The following ARHGEF38 variants were observed in gnomAD, a reference collection of about 807,000 sequenced individuals.
ARHGEF38 encodes the protein Rho guanine nucleotide exchange factor 38.
In ARHGEF38, 79 loss-of-function variants were observed where a neutral mutation model predicts 79.9. That is an observed-to-expected ratio of 0.99 (90% CI 0.82 to 1.19). ARHGEF38 has a LOEUF of 1.19. Ranked by LOEUF, ARHGEF38 falls within the 50% of genes most tolerant of loss-of-function variation. The pLI is 0.00. For synonymous variants in ARHGEF38, 366 were observed against 328.3 expected, an observed-to-expected ratio of 1.11 and a Z score of -1.24; for missense variants, 962 against 907.2, an observed-to-expected ratio of 1.06 and a Z score of -0.78.
intron 3 of ARHGEF38, among the ~76,000 whole-genome samples, chr4:105,618,606 G>C (rs756340709): frequency 6.6e-5 from 10 of 152,160 alleles, no homozygotes; most frequent in Non-Finnish European, 8.8e-5. Flanking sequence ...GGGTGACAGA[G>C]CGAGACTCCA....
At chr4:105,669,641 A>C (rs1372922259) in intron 13 of ARHGEF38, among the ~76,000 whole-genome samples, 1 of 151,740 alleles carries the variant, frequency 6.6e-6, no homozygotes, top group Non-Finnish European at 1.5e-5. Context: ...TCATATAATT[A>C]ATCCATTTTT....
chr4:105,576,442 A>T (rs1399188570), intron 1 of ARHGEF38, among the ~76,000 whole-genome samples: 2 of 132,036 alleles, frequency 1.5e-5, no homozygotes, highest in Non-Finnish European at 3.2e-5. Flanking sequence ...TGTAAAAGGG[A>T]TTGAGTTCTT....
intron 5 of ARHGEF38, among the ~76,000 whole-genome samples, chr4:105,644,912 C>T (rs945740297): frequency 6.6e-6 from 1 of 152,022 alleles, no homozygotes; most frequent in African/African-American, 2.4e-5. Context: ...TTATAAAAAA[C>T]CTTGTAAACT....
At chr4:105,585,878 T>C (rs978334971) in intron 1 of ARHGEF38, among the ~76,000 whole-genome samples, 1 of 151,886 alleles carries the variant, frequency 6.6e-6, no homozygotes. Context: ...ATTACAGGCA[T>C]GTGCCACCAC....
intron 9 of ARHGEF38, among the ~76,000 whole-genome samples, chr4:105,656,007 A>G (rs1026481565): frequency 6.6e-6 from 1 of 152,200 alleles, no homozygotes; most frequent in Non-Finnish European, 1.5e-5. Context: ...TTAAGTCTGC[A>G]TGTGAAATAT....
chr4:105,653,436 C>A (rs745488793), intron 7 of ARHGEF38, among the ~76,000 whole-genome samples: 3 of 151,812 alleles, frequency 2.0e-5, no homozygotes, highest in Non-Finnish European at 2.9e-5. Flanking sequence ...GACTCTCCTG[C>A]CTCAGCCTCC....
At position 105,555,771 on chromosome 4, in the gene ARHGEF38, G is replaced by A. The variant is rs1329227691; in HGVS notation, c.196+2810G>A. 2.0e-5 allele frequency among the ~76,000 whole-genome samples: 3 copies of A among 152,022 alleles called. No homozygotes were observed. In the East Asian group the frequency reaches 5.8e-4, roughly 29 times the overall value. On this transcript the variant is annotated intron_variant, in intron 1 of 13. Transcript: ENST00000420470. ...TAAAATTCACTGCTCTAACTCTCTG[G>A]GGAAGCAAGTTCTCTGGGTTCCGTA...
Position 105,680,421 on chromosome 4 carries a change from A to G in ARHGEF38, c.*2484A>G, listed in dbSNP as rs1731269584. 5.7e-6 allele frequency: 1 copy of G among 176,112 alleles called. No homozygotes were observed. The highest frequency in any genetic ancestry group is 5.8e-5 in the Admixed American group (1 of 17,338). 10.9% of individuals were successfully genotyped at this position (176,112 alleles called of 1,614,324 possible). A position where few individuals can be genotyped will look rare whatever the true frequency, so the allele number is the denominator to read the frequency against. On this transcript the variant is annotated 3_prime_UTR_variant, in exon 14 of 14. Coordinates refer to ENST00000420470, the MANE Select transcript of ARHGEF38 (RefSeq NM_001242729.2). ...TGGGAATACAATGCTGTGCAAGACA[A>G]ACAAGATCCCTCCATTCATACCACT...
In ARHGEF38 at chr4:105,680,864, TTTTCA is replaced by T. The variant is rs1165001289; in HGVS notation, c.*2933_*2937del. On this transcript the variant is annotated 3_prime_UTR_variant, in exon 14 of 14. Transcript: ENST00000420470. ...CGTATTTTCCATGATGGGATAAATG[TTTTCA>T]TTTCAAGTGCCAATGTGTGAACTGT... 3 of 152,202 alleles carry T rather than the reference TTTTCA, an allele frequency of 2.0e-5. No homozygotes were observed. The highest frequency in any genetic ancestry group is 4.4e-5 in the Non-Finnish European group (3 of 68,006). The allele number at this position is 152,202 out of a possible 1,614,324, so 9.4% of individuals were successfully genotyped here. A position where few individuals can be genotyped will look rare whatever the true frequency, so the allele number is the denominator to read the frequency against.
chr4:105,570,712 G>A (rs748822289), intron 1 of ARHGEF38, among the ~76,000 whole-genome samples: 8 of 152,150 alleles, frequency 5.3e-5, no homozygotes, highest in African/African-American at 1.4e-4. Context: ...CCCATGACAC[G>A]TAGGGATTAT....
At position 105,566,136 on chromosome 4, in the gene ARHGEF38, C is replaced by A. The variant is rs543367905; in HGVS notation, c.196+13175C>A. ...TTAAAAAATTCCTCATTGTCGAGATCTGTCTCCTGAGAATTTCTCTAGACT... is the reference window on the plus strand; with the variant it reads ...TTAAAAAATTCCTCATTGTCGAGATATGTCTCCTGAGAATTTCTCTAGACT... On this transcript the variant is annotated intron_variant, in intron 1 of 13. Transcript: ENST00000420470. Among the ~76,000 whole-genome samples the A allele has an allele frequency of 5.9e-5, 9 of 152,334 alleles. No individual in the cohort carries two copies. In the East Asian group the frequency reaches 1.2e-3, roughly 20 times the overall value.
chr4:105,574,239 A>G (rs923773898), intron 1 of ARHGEF38, among the ~76,000 whole-genome samples: 1 of 152,020 alleles, frequency 6.6e-6, no homozygotes, highest in African/African-American at 2.4e-5. Flanking sequence ...TAGAATTTTC[A>G]GTACTATGTT....
chr4:105,613,843 T>G (rs1728405827), intron 3 of ARHGEF38, among the ~76,000 whole-genome samples: 1 of 152,176 alleles, frequency 6.6e-6, no homozygotes, highest in East Asian at 1.9e-4. Context: ...AATATTCTAA[T>G]AGCTTTACTG....
At chr4:105,654,683 C>T (rs1017531473) in intron 8 of ARHGEF38, among the ~76,000 whole-genome samples, 1 of 152,142 alleles carries the variant, frequency 6.6e-6, no homozygotes, top group East Asian at 1.9e-4. Flanking sequence ...TGTCCTGACC[C>T]TTTGAGAATC....
intron 13 of ARHGEF38, among the ~76,000 whole-genome samples, chr4:105,674,147 G>A (rs1037004356): frequency 6.6e-6 from 1 of 152,100 alleles, no homozygotes; most frequent in East Asian, 1.9e-4. Flanking sequence ...AACTGGGAAT[G>A]TTACCACAGG....
chr4:105,561,499 A>AGAATAGAATGGAATGGAATG (rs1725608512), intron 1 of ARHGEF38: 1 of 94,038 alleles, frequency 1.1e-5, no homozygotes, highest in Non-Finnish European at 2.5e-5. Flanking sequence ...AGAATAGAAT[A>AGAATAGAATGGAATGGAATG]GAATAGAATA....
At chr4:105,636,265 G>A (rs551377841) in intron 4 of ARHGEF38, 138 bp from the exon 5 acceptor site, 24 of 170,308 alleles carry the variant, frequency 1.4e-4, no homozygotes, top group African/African-American at 5.0e-4. Flanking sequence ...ATAAAATAAT[G>A]AGACTACTTC....
chr4:105,608,448 A>T (rs1318919954), intron 2 of ARHGEF38, among the ~76,000 whole-genome samples: 2 of 151,820 alleles, frequency 1.3e-5, no homozygotes, highest in African/African-American at 4.8e-5. Flanking sequence ...TAAATATATA[A>T]AACTTGTACA....
chr4:105,638,890 TAA>T (rs1729508117), intron 5 of ARHGEF38, among the ~76,000 whole-genome samples: 1 of 152,254 alleles, frequency 6.6e-6, no homozygotes, highest in African/African-American at 2.4e-5. Flanking sequence ...ATTGATGTCA[TAA>T]GTTTATTTTT....
Sources: gnomAD v4.1 joint callset for allele counts (sites outside exome capture counted in the v4.1 genomes callset) on GRCh38, gnomAD v4.1.1 for gene constraint, MANE v1.5 for transcripts, NCBI Gene and HGNC (gene_info 2026-07-23, HGNC 2026-07-21) for gene names.